DTD1: variants seen among roughly 807,000 people sequenced by gnomAD.
DTD1 encodes the protein D-tyrosyl-tRNA deacylase 1 homolog.
DTD1 carries 13 observed loss-of-function variants against 25.6 expected under a neutral mutation model. The ratio of observed to expected loss-of-function variants is 0.51; its 90% CI spans 0.33 to 0.81. The LOEUF is 0.81. Among genes scored for constraint, DTD1 ranks in the 30% least tolerant of loss-of-function variants. The pLI is 0.02. For synonymous variants in DTD1, 110 were observed against 103.6 expected (o/e 1.06, Z -0.37); for missense variants, 193 against 266.4 (o/e 0.72, Z 1.92).
intron 4 of DTD1, among the ~76,000 whole-genome samples, chr20:18,655,227 A>G (rs1233243575): frequency 6.6e-6 from 1 of 152,064 alleles, no homozygotes; most frequent in Non-Finnish European, 1.5e-5. Flanking sequence ...AAGGTTATGA[A>G]CTCTCTTCAA....
intron 4 of DTD1, among the ~76,000 whole-genome samples, chr20:18,724,117 T>G (rs527769359): frequency 2.0e-4 from 31 of 152,208 alleles, no homozygotes; most frequent in Non-Finnish European, 4.1e-4. Context: ...CTCACGTTCA[T>G]TGGCCAGAAT....
At chr20:18,703,929 C>G (rs541922901) in intron 4 of DTD1, among the ~76,000 whole-genome samples, 5 of 150,210 alleles carry the variant, frequency 3.3e-5, no homozygotes, top group Admixed American at 3.3e-4. Context: ...ATCTCGATGT[C>G]TTTGGCTGTC....
At chr20:18,683,685 G>T (rs1422785656) in intron 4 of DTD1, among the ~76,000 whole-genome samples, 1 of 152,198 alleles carries the variant, frequency 6.6e-6, no homozygotes, top group Non-Finnish European at 1.5e-5. Flanking sequence ...TTCAAAGATA[G>T]CCTGATGCAG....
intron 4 of DTD1, among the ~76,000 whole-genome samples, chr20:18,649,506 G>C (rs2060865371): frequency 6.6e-6 from 1 of 151,518 alleles, no homozygotes; most frequent in Non-Finnish European, 1.5e-5. Flanking sequence ...GCCTGGCTAA[G>C]TTTTGTATTT....
intron 4 of DTD1, among the ~76,000 whole-genome samples, chr20:18,682,488 C>A (rs1247326557): frequency 6.6e-6 from 1 of 152,198 alleles, no homozygotes; most frequent in African/African-American, 2.4e-5. Flanking sequence ...AATGTATGTT[C>A]CTGTTAGGAC....
rs544322697 is a variant in DTD1 at position 18,588,202 on chromosome 20, C to T, written c.43+87C>T. 6.8e-4 allele frequency: 774 copies of T among 1,142,426 alleles called. 15 individuals are homozygous for T. In the South Asian group the frequency reaches 0.029, roughly 43 times the overall value. 70.8% of individuals were successfully genotyped at this position (1,142,426 alleles called of 1,614,324 possible). On this transcript the variant is annotated intron_variant, in intron 1 of 5. Coordinates refer to ENST00000377452, the MANE Select transcript of DTD1 (RefSeq NM_080820.6). Reference sequence around the variant, plus strand: ...GCGTGGGGGGTCTTCCTGCGCCATCCTTGGGGCCGCTGCGGCCCCTCCGCG... The same window carrying T: ...GCGTGGGGGGTCTTCCTGCGCCATCTTTGGGGCCGCTGCGGCCCCTCCGCG...
chr20:18,711,566 G>A (rs1264465951), intron 4 of DTD1, among the ~76,000 whole-genome samples: 1 of 151,636 alleles, frequency 6.6e-6, no homozygotes, highest in African/African-American at 2.4e-5. Context: ...TTTGGTTCCT[G>A]TTGGCCCATC....
chr20:18,727,016 G>A (rs767354486), intron 4 of DTD1, among the ~76,000 whole-genome samples: 38 of 152,358 alleles, frequency 2.5e-4, no homozygotes, highest in South Asian at 6.2e-4. Context: ...GTGAGGACGG[G>A]TGGACTCTTG....
At chr20:18,676,993 AC>A (rs1225067719) in intron 4 of DTD1, among the ~76,000 whole-genome samples, 1 of 152,040 alleles carries the variant, frequency 6.6e-6, no homozygotes, top group African/African-American at 2.4e-5. Flanking sequence ...ACTGCCTCCC[AC>A]CCCCTAAAAA....
intron 4 of DTD1, among the ~76,000 whole-genome samples, chr20:18,717,218 A>G (rs946576889): frequency 1.3e-5 from 2 of 152,352 alleles, no homozygotes; most frequent in Admixed American, 6.5e-5. Context: ...TTAGCATCAC[A>G]TGGTGTTTTA....
chr20:18,685,338 C>G (rs956843695), intron 4 of DTD1, among the ~76,000 whole-genome samples: 1 of 152,184 alleles, frequency 6.6e-6, no homozygotes, highest in African/African-American at 2.4e-5. Flanking sequence ...GAGAATCCAC[C>G]CCAGGCATGT....
chr20:18,707,601 C>CTGG (rs2061131712), intron 4 of DTD1, among the ~76,000 whole-genome samples: 1 of 152,186 alleles, frequency 6.6e-6, no homozygotes, highest in Admixed American at 6.5e-5. Flanking sequence ...TCAAGGTGAA[C>CTGG]TGGTGGCTGT....
At chr20:18,722,634 C>A (rs964410817) in intron 4 of DTD1, among the ~76,000 whole-genome samples, 1 of 152,082 alleles carries the variant, frequency 6.6e-6, no homozygotes, top group Admixed American at 6.5e-5. Context: ...GTGAACTATC[C>A]AGCTGTATTA....
intron 4 of DTD1, among the ~76,000 whole-genome samples, chr20:18,694,953 C>T (rs983527427): frequency 1.3e-5 from 2 of 152,104 alleles, no homozygotes; most frequent in Non-Finnish European, 1.5e-5. Context: ...ACCTCAGAGC[C>T]ACCATGATCA....
chr20:18,716,355 C>T (rs774004817), intron 4 of DTD1, among the ~76,000 whole-genome samples: 4 of 152,176 alleles, frequency 2.6e-5, no homozygotes, highest in African/African-American at 4.8e-5. Context: ...GTTTGTGGCA[C>T]GTGGGGTCTG....
At chr20:18,700,340 C>T (rs1372714885) in intron 4 of DTD1, among the ~76,000 whole-genome samples, 1 of 152,172 alleles carries the variant, frequency 6.6e-6, no homozygotes, top group Admixed American at 6.5e-5. Flanking sequence ...AGTGGCTCAT[C>T]ATTTGACTGT....
chr20:18,680,270 G>A (rs1211007046), intron 4 of DTD1, among the ~76,000 whole-genome samples: 3 of 151,692 alleles, frequency 2.0e-5, no homozygotes, highest in African/African-American at 4.9e-5. Context: ...CTACATCCTC[G>A]ACCTCTCAGG....
At chr20:18,736,217 G>A (rs1172257384) in intron 4 of DTD1, among the ~76,000 whole-genome samples, 1 of 152,176 alleles carries the variant, frequency 6.6e-6, no homozygotes, top group Non-Finnish European at 1.5e-5. Flanking sequence ...GGCAACAGCA[G>A]ACATCGTGTT....
intron 4 of DTD1, among the ~76,000 whole-genome samples, chr20:18,717,866 C>A (rs1330356741): frequency 6.6e-6 from 1 of 152,000 alleles, no homozygotes; most frequent in Non-Finnish European, 1.5e-5. Flanking sequence ...ACAGAGGGTG[C>A]CAGTGGATGT....
Sources: allele counts gnomAD v4.1 joint callset (sites outside exome capture counted in the v4.1 genomes callset), GRCh38; gene constraint gnomAD v4.1.1; transcripts MANE v1.5; gene names NCBI Gene and HGNC (gene_info 2026-07-23, HGNC 2026-07-21).